Variants in ATP8B4 observed in about 807,000 individuals in gnomAD.
ATP8B4 encodes the protein probable phospholipid-transporting ATPase IM.
A neutral mutation model predicts 145.6 loss-of-function variants in ATP8B4; 133 were observed. The ratio of observed to expected loss-of-function variants is 0.91; its 90% CI spans 0.79 to 1.05. The LOEUF is 1.05. Ranked by LOEUF, ATP8B4 falls within the 50% of genes least tolerant of loss-of-function variation. The pLI is 0.00. For missense variants in ATP8B4, 1,458 were observed against 1,425.2 expected, an observed-to-expected ratio of 1.02 and a Z score of -0.37; for synonymous variants, 507 against 492.9, an observed-to-expected ratio of 1.03 and a Z score of -0.38.
At chr15:50,025,328 T>C (rs1421130822) in intron 6 of ATP8B4, among the ~76,000 whole-genome samples, 2 of 152,226 alleles carry the variant, frequency 1.3e-5, no homozygotes, top group Non-Finnish European at 2.9e-5. Context: ...AAACTCTTAA[T>C]GTAGCCTTGA....
At position 50,106,999 on chromosome 15, in the gene ATP8B4, G is replaced by A. The variant is rs1293938492; in HGVS notation, c.-33C>T. ...CCTGATCTTTCACCAGGTCTCAACA[G>A]GTGGCCTACCTAAGAAAAAGAAGTA... is the stretch of plus-strand genomic sequence containing the variant. On this transcript the variant is annotated 5_prime_UTR_variant, in exon 2 of 28. Coordinates refer to ENST00000284509, the MANE Select transcript of ATP8B4 (RefSeq NM_024837.4). The A allele has an allele frequency of 6.5e-7, 1 of 1,546,326 alleles. No homozygotes were observed.
intron 20 of ATP8B4, 54 bp from the exon 21 acceptor site, chr15:49,901,293 C>T: frequency 6.5e-7 from 1 of 1,536,844 alleles, no homozygotes; most frequent in South Asian, 1.2e-5. Context: ...AGCATGCCTA[C>T]TAATTCTAAC....
intron 1 of ATP8B4, among the ~76,000 whole-genome samples, chr15:50,156,725 G>A (rs2044426252): frequency 6.6e-6 from 1 of 152,174 alleles, no homozygotes; most frequent in Admixed American, 6.5e-5. Flanking sequence ...AAATGTGCAA[G>A]AGAATGGATA....
At chr15:49,870,106 G>C (rs1005569416) in intron 25 of ATP8B4, among the ~76,000 whole-genome samples, 1 of 152,082 alleles carries the variant, frequency 6.6e-6, no homozygotes, top group Non-Finnish European at 1.5e-5. Context: ...GAAACATCTT[G>C]TATGTTTATC....
intron 1 of ATP8B4, among the ~76,000 whole-genome samples, chr15:50,110,546 C>T (rs2056887542): frequency 6.6e-6 from 1 of 152,202 alleles, no homozygotes; most frequent in African/African-American, 2.4e-5. Context: ...AAAAGGTTTG[C>T]TAAAGTCAAG....
chr15:49,927,500 T>C (rs1029829394), intron 16 of ATP8B4, among the ~76,000 whole-genome samples: 1 of 152,018 alleles, frequency 6.6e-6, no homozygotes, highest in South Asian at 2.1e-4. Context: ...TCCTCCTGAT[T>C]AAAAACCAAG....
intron 9 of ATP8B4, among the ~76,000 whole-genome samples, chr15:49,993,520 T>TCA (rs1176387754): frequency 6.6e-6 from 1 of 152,164 alleles, no homozygotes; most frequent in Non-Finnish European, 1.5e-5. Flanking sequence ...CCTAACTCTT[T>TCA]CAAAGACTTC....
At chr15:50,104,052 C>T (rs924164477) in intron 2 of ATP8B4, among the ~76,000 whole-genome samples, 1 of 152,116 alleles carries the variant, frequency 6.6e-6, no homozygotes, top group South Asian at 2.1e-4. Flanking sequence ...AAACTGGATT[C>T]TCATCTCTCA....
intron 14 of ATP8B4, among the ~76,000 whole-genome samples, chr15:49,937,819 C>G (rs953881336): frequency 1.3e-5 from 2 of 152,116 alleles, no homozygotes; most frequent in African/African-American, 4.8e-5. Context: ...ATACACAATA[C>G]AGTATGCTTT....
chr15:49,969,643 C>CA lies in ATP8B4; in HGVS notation c.1243+2938dup, dbSNP rs574711076. ...GAGGCAGTAATTAATAGCCTACCAA[C>CA]AAAAAAAGCCCAAGACCAGAGAGAT... On this transcript the variant is annotated intron_variant, in intron 13 of 27. Transcript: ENST00000284509. 5.0e-3 allele frequency among the ~76,000 whole-genome samples: 758 copies of CA among 151,984 alleles called. 8 individuals are homozygous for CA. Among genetic ancestry groups the CA allele is most frequent in the African/African-American group, 0.017 (724 of 41,480 alleles).
At position 49,934,155 on chromosome 15, in the gene ATP8B4, T is replaced by G; in HGVS notation, c.1315A>C (p.Lys439Gln). Residue 439 changes from lysine to glutamine, a missense_variant, in exon 15 of 28, where the codon AAA becomes CAA. By Grantham distance (53) the Lys-to-Gln change is moderately conservative. Transcript: ENST00000284509. ...TGAAATTCTCTATCCGCTTGAGATT[T>G]GACTGAGAAATCCACAGGCTCTTTT... is the stretch of plus-strand genomic sequence containing the variant. ...QEKEPVDFSV[K>Q]SQADREFQFF... 1 of 1,611,542 alleles carries G rather than the reference T, an allele frequency of 6.2e-7. No homozygotes were observed. Among genetic ancestry groups the G allele is most frequent in the Non-Finnish European group, 8.5e-7 (1 of 1,178,948 alleles).
chr15:49,876,382 C>T lies in ATP8B4; in HGVS notation c.2923G>A (p.Gly975Arg). Residue 975 changes from glycine to arginine, a missense_variant, in exon 25 of 28, where the codon GGG becomes AGG. Gly to Arg is a moderately radical substitution (Grantham distance 125, BLOSUM62 -2). Transcript: ENST00000284509. ...TCTCCAGCCACGTTGTAAAAGGCCC[C>T]ATAGGGGATGAAGAAAAGGACTAAT... The part of the protein sequence containing the change: ...TSLVLFFIPY[G>R]AFYNVAGEDG... 2 of 1,614,096 alleles carry T rather than the reference C, an allele frequency of 1.2e-6. No homozygotes were observed. Among genetic ancestry groups the T allele is most frequent in the Non-Finnish European group, 1.7e-6 (2 of 1,179,990 alleles).
At chr15:49,932,789 G>A (rs938694470) in intron 15 of ATP8B4, among the ~76,000 whole-genome samples, 1 of 151,960 alleles carries the variant, frequency 6.6e-6, no homozygotes, top group African/African-American at 2.4e-5. Flanking sequence ...AGTGAAAGAT[G>A]GCCTCTCAAA....
chr15:49,943,392 GAAAC>G lies in ATP8B4; in HGVS notation c.1288-9214_1288-9211del, dbSNP rs1241804920. ...AAGCCCAAAGATCACCAAATTAAAT[GAAAC>G]AAACAAACAAAAAAAAAACCACACT... On this transcript the variant is annotated intron_variant, in intron 14 of 27. Coordinates refer to ENST00000284509, the MANE Select transcript of ATP8B4 (RefSeq NM_024837.4). Among the ~76,000 whole-genome samples, 12 of 143,134 alleles carry G rather than the reference GAAAC, an allele frequency of 8.4e-5. No homozygotes were observed. In the East Asian group the frequency reaches 2.3e-3, roughly 27 times the overall value. The allele number at this position is 143,134 out of a possible 152,430, so 93.9% of individuals were successfully genotyped here.
intron 1 of ATP8B4, among the ~76,000 whole-genome samples, chr15:50,158,425 C>T (rs1283041357): frequency 6.6e-4 from 99 of 149,710 alleles, no homozygotes; most frequent in Non-Finnish European, 1.1e-3. Context: ...CTGCCCCGTC[C>T]AGGAGGGAGG....
chr15:50,003,982 C>A (rs1231408681), intron 7 of ATP8B4, among the ~76,000 whole-genome samples: 1 of 152,164 alleles, frequency 6.6e-6, no homozygotes, highest in Non-Finnish European at 1.5e-5. Flanking sequence ...AGGTTCCGGG[C>A]TAACTGTTCT....
intron 27 of ATP8B4, 52 bp downstream of exon 27, chr15:49,862,193 A>C: frequency 6.3e-7 from 1 of 1,583,666 alleles, no homozygotes; most frequent in Non-Finnish European, 8.6e-7. Context: ...AAAGGACACC[A>C]TTTCAAGAGC....
At chr15:49,862,507 A>G in intron 26 of ATP8B4, 132 bp from the exon 27 acceptor site, 1 of 1,059,388 alleles carries the variant, frequency 9.4e-7, no homozygotes, top group Non-Finnish European at 1.3e-6. Context: ...AGGCTGGTGG[A>G]ATGCAGTGGT....
chr15:49,889,632 T>C (rs2036582875), intron 23 of ATP8B4, among the ~76,000 whole-genome samples: 1 of 152,136 alleles, frequency 6.6e-6, no homozygotes, highest in African/African-American at 2.4e-5. Flanking sequence ...ACACCACAGC[T>C]GGATTTGCCT....
Sources: gnomAD v4.1 joint callset for allele counts (sites outside exome capture counted in the v4.1 genomes callset) on GRCh38, gnomAD v4.1.1 for gene constraint, MANE v1.5 for transcripts, NCBI Gene and HGNC (gene_info 2026-07-23, HGNC 2026-07-21) for gene names.